PLXDC2: variants seen among roughly 807,000 people sequenced by gnomAD.
PLXDC2 encodes plexin domain containing 2.
PLXDC2 carries 40 observed loss-of-function variants against 68.9 expected under a neutral mutation model. The observed-to-expected ratio is 0.58, with a 90% CI of 0.45 to 0.76. The LOEUF is 0.76. PLXDC2 is among the 30% of genes least tolerant of loss of function. The probability of loss-of-function intolerance (pLI) is 0.00; values close to 1 mark genes in which losing one functional copy is unlikely to be tolerated. For synonymous variants in PLXDC2, 243 were observed against 234.2 expected, an observed-to-expected ratio of 1.04 and a Z score of -0.34; for missense variants, 644 against 661.9, an observed-to-expected ratio of 0.97 and a Z score of 0.30.
chr10:20,162,077 AAGGAAGGAAGGAAG>A, intron 6 of PLXDC2, among the ~76,000 whole-genome samples: 1 of 93,728 alleles, frequency 1.1e-5, no homozygotes, highest in African/African-American at 3.8e-5. Flanking sequence ...AGAGAGAAGG[AAGGAAGGAAGGAAG>A]GAAGGAAGGA....
At chr10:20,218,279 T>C (rs1835166437) in intron 11 of PLXDC2, among the ~76,000 whole-genome samples, 1 of 152,122 alleles carries the variant, frequency 6.6e-6, no homozygotes, top group Admixed American at 6.6e-5. Flanking sequence ...TAAATGGGTC[T>C]TACTTGTTTA....
At chr10:19,905,935 A>T (rs1564625011) in intron 1 of PLXDC2, among the ~76,000 whole-genome samples, 1 of 152,068 alleles carries the variant, frequency 6.6e-6, no homozygotes, top group Admixed American at 6.5e-5. Context: ...TTTACAACAA[A>T]GATTTACTGT....
rs921628859 is a variant in PLXDC2, at chr10:20,207,818, G to A, written c.1062-3851G>A. The stretch of plus-strand genomic sequence containing the variant: ...ACACTTAAGCTTGTTCAACACAGAT[G>A]GTAGGCATAAAATAGCTTAACTTCA... On this transcript the variant is annotated intron_variant, in intron 9 of 13. Transcript: ENST00000377252. Among the ~76,000 whole-genome samples the A allele has an allele frequency of 5.3e-5, 8 of 152,040 alleles. 1 individual carries two copies. The highest frequency in any genetic ancestry group is 5.9e-5 in the Non-Finnish European group (4 of 68,006).
intron 1 of PLXDC2, among the ~76,000 whole-genome samples, chr10:19,876,678 C>A (rs1427348523): frequency 6.8e-6 from 1 of 146,950 alleles, no homozygotes; most frequent in Non-Finnish European, 1.5e-5. Flanking sequence ...GTAGTTATGA[C>A]AGAATCACTC....
intron 2 of PLXDC2, among the ~76,000 whole-genome samples, chr10:20,035,703 T>C (rs890326442): frequency 6.6e-6 from 1 of 151,840 alleles, no homozygotes; most frequent in Non-Finnish European, 1.5e-5. Context: ...CTAAAATAAA[T>C]AAATAAAAAA....
intron 1 of PLXDC2, among the ~76,000 whole-genome samples, chr10:19,991,034 G>A (rs1834740174): frequency 6.6e-6 from 1 of 152,084 alleles, no homozygotes; most frequent in African/African-American, 2.4e-5. Context: ...ATCACCTGAG[G>A]TCAGGAGTTC....
At position 20,139,213 on chromosome 10, in the gene PLXDC2, T is replaced by C. The variant is rs543449995; in HGVS notation, c.542-4082T>C. 8.4e-4 allele frequency among the ~76,000 whole-genome samples: 128 copies of C among 152,358 alleles called. 5 individuals are homozygous for C. The South Asian group carries it at 0.025, about 30-fold the overall frequency. The stretch of plus-strand genomic sequence containing the variant: ...CAAGAACAAAGCTGTTGATTACAAC[T>C]GATCTCAGAATTTGACTCTGGTTTT... On this transcript the variant is annotated intron_variant, in intron 4 of 13. Transcript: ENST00000377252.
chr10:20,150,226 A>G (rs1027134216), intron 6 of PLXDC2, among the ~76,000 whole-genome samples: 2 of 152,186 alleles, frequency 1.3e-5, no homozygotes, highest in Non-Finnish European at 2.9e-5. Context: ...CCTGCCCTAA[A>G]AATTTTCTTT....
chr10:20,221,734 C>T (rs1056681388), intron 12 of PLXDC2, among the ~76,000 whole-genome samples: 7 of 152,156 alleles, frequency 4.6e-5, no homozygotes, highest in Non-Finnish European at 8.8e-5. Flanking sequence ...ATTGTCCTTT[C>T]ACTCCAATTT....
chr10:20,175,879 T>C (rs1345429174), intron 7 of PLXDC2, among the ~76,000 whole-genome samples: 6 of 152,128 alleles, frequency 3.9e-5, no homozygotes, highest in Admixed American at 3.9e-4. Flanking sequence ...GATGTGGTGT[T>C]ATTCCGGAAA....
At chr10:20,016,409 C>T (rs1213146800) in intron 2 of PLXDC2, among the ~76,000 whole-genome samples, 1 of 152,194 alleles carries the variant, frequency 6.6e-6, no homozygotes, top group Non-Finnish European at 1.5e-5. Flanking sequence ...AAAAGTCTGA[C>T]ATTTTTACTT....
In PLXDC2 at chr10:19,933,498, A is replaced by T. The variant is rs149834762; in HGVS notation, c.113-68277A>T. Among the ~76,000 whole-genome samples the T allele has an allele frequency of 1.9e-3, 289 of 151,986 alleles. 4 individuals carry two copies. The East Asian group carries it at 0.043, about 23-fold the overall frequency. On this transcript the variant is annotated intron_variant, in intron 1 of 13. Coordinates refer to ENST00000377252, the MANE Select transcript of PLXDC2 (RefSeq NM_032812.9). ...AAAATACAAAAATTAGCTGGGCATG[A>T]TGGTGGGCACCTATCATCCCAGCTA...
intron 4 of PLXDC2, among the ~76,000 whole-genome samples, chr10:20,126,417 C>T (rs182866768): frequency 0.035 from 2,651 of 76,228 alleles, 974 homozygotes; most frequent in South Asian, 0.092. Context: ...ATACAACACA[C>T]GTTATATATG....
chr10:19,976,157 G>C (rs1307696361), intron 1 of PLXDC2, among the ~76,000 whole-genome samples: 2 of 152,090 alleles, frequency 1.3e-5, no homozygotes, highest in African/African-American at 4.8e-5. Context: ...TTGTCTTCTA[G>C]TTTTCCTGTG....
rs551065340 is a variant in PLXDC2 at position 20,120,082 on chromosome 10, A to T, written c.542-23213A>T. Among the ~76,000 whole-genome samples the T allele has an allele frequency of 2.2e-4, 34 of 152,222 alleles. No individual in the cohort carries two copies. In the South Asian group the frequency reaches 6.8e-3, roughly 31 times the overall value. On this transcript the variant is annotated intron_variant, in intron 4 of 13. Coordinates refer to ENST00000377252, the MANE Select transcript of PLXDC2 (RefSeq NM_032812.9). ...TGTGATGGCTTGGAGAAACAGTGTA[A>T]ACCGGCAGTGTAAACAAGAGCAGGG...
chr10:20,258,865 G>A (rs1009058714), intron 13 of PLXDC2, among the ~76,000 whole-genome samples: 2 of 151,986 alleles, frequency 1.3e-5, no homozygotes, highest in Non-Finnish European at 2.9e-5. Flanking sequence ...AAAATTAGCC[G>A]GGCGTGGTGG....
chr10:20,249,847 C>G (rs1322108521), intron 13 of PLXDC2, among the ~76,000 whole-genome samples: 1 of 152,040 alleles, frequency 6.6e-6, no homozygotes, highest in East Asian at 1.9e-4. Flanking sequence ...AAGATATGTC[C>G]CAGTTTCAAT....
chr10:20,080,210 A>G (rs912810890), intron 4 of PLXDC2, among the ~76,000 whole-genome samples: 1 of 152,192 alleles, frequency 6.6e-6, no homozygotes, highest in African/African-American at 2.4e-5. Flanking sequence ...CTGAAAATCA[A>G]CAATTTCTAT....
chr10:20,211,884 C>G (rs746030464), intron 10 of PLXDC2, among the ~76,000 whole-genome samples, 155 bp downstream of exon 10: 1 of 151,984 alleles, frequency 6.6e-6, no homozygotes, highest in Non-Finnish European at 1.5e-5. Flanking sequence ...ATTAGGGGTT[C>G]GATAACAGCT....
Sources: allele counts gnomAD v4.1 joint callset (sites outside exome capture counted in the v4.1 genomes callset), GRCh38; gene constraint gnomAD v4.1.1; transcripts MANE v1.5; gene names NCBI Gene and HGNC (gene_info 2026-07-23, HGNC 2026-07-21).